Variants in BBX observed in about 807,000 individuals in gnomAD.
BBX encodes BBX high mobility group box domain containing, also known as HMG box transcription factor BBX.
A neutral mutation model predicts 100.2 loss-of-function variants in BBX; 30 were observed. That is an observed-to-expected ratio of 0.30 (90% CI 0.22 to 0.41). BBX has a LOEUF of 0.41. Among genes scored for constraint, BBX ranks in the 10% least tolerant of loss-of-function variants. The pLI, the probability that BBX is intolerant of heterozygous loss-of-function variation, is 1.00. For missense variants in BBX, 1,023 were observed against 1,129.8 expected, an observed-to-expected ratio of 0.91 and a Z score of 1.35; for synonymous variants, 376 against 388.1, an observed-to-expected ratio of 0.97 and a Z score of 0.37.
intron 17 of BBX, among the ~76,000 whole-genome samples, chr3:107,803,359 T>A (rs144375163): frequency 1.2e-4 from 19 of 152,306 alleles, no homozygotes; most frequent in Non-Finnish European, 2.6e-4. Flanking sequence ...AAAGCAGATC[T>A]ACCCACCAGG....
intron 9 of BBX, among the ~76,000 whole-genome samples, chr3:107,749,929 T>G (rs1237419207): frequency 6.6e-6 from 1 of 152,270 alleles, no homozygotes; most frequent in East Asian, 1.9e-4. Flanking sequence ...CCATCGTGCC[T>G]GGCCATGATT....
intron 14 of BBX, among the ~76,000 whole-genome samples, chr3:107,790,907 G>A (rs574254811): frequency 8.6e-5 from 13 of 151,902 alleles, no homozygotes; most frequent in Non-Finnish European, 1.6e-4. Context: ...TTTTTCTTCT[G>A]CTTACAGTAA....
At chr3:107,593,853 G>A (rs2053501797) in intron 2 of BBX, among the ~76,000 whole-genome samples, 1 of 152,124 alleles carries the variant, frequency 6.6e-6, no homozygotes, top group African/African-American at 2.4e-5. Flanking sequence ...AAAATAATGT[G>A]GATTAAAAGC....
intron 7 of BBX, among the ~76,000 whole-genome samples, chr3:107,743,054 C>T (rs1411510378): frequency 8.5e-5 from 13 of 152,070 alleles, no homozygotes; most frequent in Admixed American, 8.5e-4. Flanking sequence ...AGACTTTATG[C>T]AGTGGAGCAA....
chr3:107,676,259 A>G (rs890978907), intron 3 of BBX, among the ~76,000 whole-genome samples: 2 of 152,210 alleles, frequency 1.3e-5, no homozygotes, highest in African/African-American at 4.8e-5. Flanking sequence ...TCATAGACTA[A>G]TACTATAAAT....
intron 5 of BBX, among the ~76,000 whole-genome samples, chr3:107,720,278 C>G (rs1405397212): frequency 6.6e-6 from 1 of 151,790 alleles, no homozygotes; most frequent in Non-Finnish European, 1.5e-5. Flanking sequence ...ACTTTAGATG[C>G]CTGAAAGAGA....
At chr3:107,527,577 T>C (rs1395112356) in intron 2 of BBX, among the ~76,000 whole-genome samples, 1 of 152,250 alleles carries the variant, frequency 6.6e-6, no homozygotes, top group Non-Finnish European at 1.5e-5. Flanking sequence ...ATAATCTATG[T>C]AAGTTTTGCA....
At chr3:107,762,299 GA>G (rs1381877204) in intron 10 of BBX, among the ~76,000 whole-genome samples, 1 of 152,154 alleles carries the variant, frequency 6.6e-6, no homozygotes, top group East Asian at 1.9e-4. Flanking sequence ...GGTGAGTAAA[GA>G]AAAATATTTA....
chr3:107,714,548 C>T lies in BBX; in HGVS notation c.163-2059C>T, dbSNP rs542986342. Among the ~76,000 whole-genome samples the T allele has an allele frequency of 1.0e-3, 155 of 152,158 alleles. 1 individual carries two copies. The highest frequency in any genetic ancestry group is 1.6e-3 in the Non-Finnish European group (108 of 68,002). On this transcript the variant is annotated intron_variant, in intron 4 of 17. Transcript: ENST00000325805. The stretch of plus-strand genomic sequence containing the variant: ...TTCTTCATCTTATATATTAATAGTA[C>T]ACTTTTTAGTTTTTTTTAGCTTCCT...
chr3:107,738,848 C>T (rs945235362), intron 7 of BBX, among the ~76,000 whole-genome samples: 1 of 152,164 alleles, frequency 6.6e-6, no homozygotes, highest in Non-Finnish European at 1.5e-5. Context: ...CTCAAGAACC[C>T]TCTGAGGCTG....
At chr3:107,669,958 A>G (rs2107912679) in intron 3 of BBX, among the ~76,000 whole-genome samples, 1 of 152,264 alleles carries the variant, frequency 6.6e-6, no homozygotes, top group South Asian at 2.1e-4. Flanking sequence ...TTTAGTTTTT[A>G]TTTTGAAAAT....
At chr3:107,791,926 G>A (rs1002375968) in intron 15 of BBX, among the ~76,000 whole-genome samples, 4 of 152,138 alleles carry the variant, frequency 2.6e-5, no homozygotes, top group South Asian at 2.1e-4. Context: ...GCTTGAACCC[G>A]GGAGGCGGAA....
intron 2 of BBX, among the ~76,000 whole-genome samples, chr3:107,613,247 G>C (rs191210124): frequency 2.7e-5 from 4 of 150,322 alleles, no homozygotes; most frequent in Admixed American, 2.7e-4. Flanking sequence ...GAGTGCAGTG[G>C]CGCATCTCGG....
At chr3:107,569,829 C>T (rs2051208947) in intron 2 of BBX, among the ~76,000 whole-genome samples, 1 of 152,152 alleles carries the variant, frequency 6.6e-6, no homozygotes. Flanking sequence ...GACTTACCCT[C>T]CACTTTATGA....
At position 107,755,637 on chromosome 3, in the gene BBX, G is replaced by T; in HGVS notation, c.865G>T (p.Val289Leu). ...NTSQLGGAEP[V>L]KRCGKSALFQ... is the part of the protein sequence containing the mutation. ...TTCGCAGTTGGGTGGTGCTGAGCCTGTAAAACGCTGTGGAAAGTCTGCACT... is the reference window on the plus strand; with the variant it reads ...TTCGCAGTTGGGTGGTGCTGAGCCTTTAAAACGCTGTGGAAAGTCTGCACT... The change falls in exon 10 of 18, where the codon GTA (valine) becomes TTA (leucine). Residue 289 changes from valine (V) to leucine (L), a missense_variant. Transcript: ENST00000325805. 1 of 1,613,940 alleles carries T rather than the reference G, an allele frequency of 6.2e-7. No homozygotes were observed. Among genetic ancestry groups the T allele is most frequent in the Non-Finnish European group, 8.5e-7 (1 of 1,179,874 alleles).
intron 3 of BBX, among the ~76,000 whole-genome samples, chr3:107,669,708 T>C (rs2058928652): frequency 6.6e-6 from 1 of 152,114 alleles, no homozygotes; most frequent in Non-Finnish European, 1.5e-5. Flanking sequence ...TTTAATAGTA[T>C]AATAGTATGT....
intron 3 of BBX, among the ~76,000 whole-genome samples, chr3:107,699,092 C>T (rs1361286627): frequency 1.3e-5 from 2 of 151,730 alleles, no homozygotes; most frequent in Non-Finnish European, 2.9e-5. Context: ...ATGGTGAACA[C>T]GATGCAGCCC....
chr3:107,715,342 A>G (rs1040027002), intron 4 of BBX, among the ~76,000 whole-genome samples: 10 of 152,304 alleles, frequency 6.6e-5, no homozygotes, highest in African/African-American at 2.2e-4. Flanking sequence ...CAGAACCTCC[A>G]GGGATTCCAA....
intron 5 of BBX, among the ~76,000 whole-genome samples, chr3:107,721,639 G>A (rs1337018641): frequency 6.6e-6 from 1 of 151,980 alleles, no homozygotes; most frequent in African/African-American, 2.4e-5. Context: ...GAAATATTCA[G>A]ATGTTTGCTT....
Sources: gnomAD v4.1 joint callset for allele counts (sites outside exome capture counted in the v4.1 genomes callset) on GRCh38, gnomAD v4.1.1 for gene constraint, MANE v1.5 for transcripts, NCBI Gene and HGNC (gene_info 2026-07-23, HGNC 2026-07-21) for gene names.